The following RAD51B variants were observed in gnomAD, a reference collection of about 807,000 sequenced individuals.
RAD51B encodes DNA repair protein RAD51 homolog 2.
RAD51B carries 38 observed loss-of-function variants against 42.2 expected under a neutral mutation model. The ratio of observed to expected loss-of-function variants is 0.90; its 90% CI spans 0.70 to 1.18. The LOEUF is 1.18. RAD51B is among the 50% of genes most tolerant of loss of function. The pLI, the probability that RAD51B is intolerant of heterozygous loss-of-function variation, is 0.00. For missense variants in RAD51B, 373 were observed against 400.7 expected, an observed-to-expected ratio of 0.93 and a Z score of 0.59; for synonymous variants, 154 against 145.2, an observed-to-expected ratio of 1.06 and a Z score of -0.43.
intron 8 of RAD51B, among the ~76,000 whole-genome samples, chr14:68,319,746 C>T (rs977248808): frequency 9.9e-5 from 15 of 152,128 alleles, no homozygotes; most frequent in Non-Finnish European, 1.6e-4. Flanking sequence ...AGGGTAGCTC[C>T]ACACCCTTTT....
intron 7 of RAD51B, among the ~76,000 whole-genome samples, chr14:67,936,262 C>T (rs2044944329): frequency 6.6e-6 from 1 of 152,160 alleles, no homozygotes; most frequent in Admixed American, 6.6e-5. Flanking sequence ...TGCATTTCCA[C>T]CTTCCCCAAG....
intron 11 of RAD51B, among the ~76,000 whole-genome samples, chr14:68,661,862 C>T (rs1892940515): frequency 6.6e-6 from 1 of 152,208 alleles, no homozygotes; most frequent in Non-Finnish European, 1.5e-5. Flanking sequence ...AGCCATCACC[C>T]AGTGGTCTTT....
chr14:67,875,039 A>C (rs1422410855), intron 5 of RAD51B, among the ~76,000 whole-genome samples: 2 of 152,160 alleles, frequency 1.3e-5, no homozygotes, highest in African/African-American at 4.8e-5. Context: ...AGCATGTGAG[A>C]AAAACTGAGG....
intron 7 of RAD51B, among the ~76,000 whole-genome samples, chr14:67,930,342 T>TG (rs915099842): frequency 4.2e-4 from 63 of 150,354 alleles, no homozygotes; most frequent in East Asian, 2.1e-3. Flanking sequence ...TGTGTGTGTG[T>TG]TTTTTTTTTC....
chr14:68,445,518 A>G (rs2085401698), intron 9 of RAD51B, among the ~76,000 whole-genome samples: 1 of 152,222 alleles, frequency 6.6e-6, no homozygotes. Flanking sequence ...CATTTTATAC[A>G]TGAAGAAACT....
rs532804218 is a variant in RAD51B, at chr14:68,227,952, A to T, written c.757-63932A>T. 3.3e-3 allele frequency among the ~76,000 whole-genome samples: 510 copies of T among 152,280 alleles called. 2 individuals are homozygous for T. Among genetic ancestry groups the T allele is most frequent in the Non-Finnish European group, 4.7e-3 (318 of 68,006 alleles). On this transcript the variant is annotated intron_variant, in intron 7 of 10. Transcript: ENST00000471583. ...ATTAGTAGTAATAATAATGATAGTC[A>T]TTATGTATTAAGGGCCTACTCTGTG... is the stretch of plus-strand genomic sequence containing the variant.
At chr14:68,254,126 T>A (rs1415956850) in intron 7 of RAD51B, among the ~76,000 whole-genome samples, 1 of 152,220 alleles carries the variant, frequency 6.6e-6, no homozygotes, top group Non-Finnish European at 1.5e-5. Flanking sequence ...TTGTGATTAG[T>A]GCCACTTCAT....
intron 8 of RAD51B, among the ~76,000 whole-genome samples, chr14:68,400,005 C>A (rs189563144): frequency 1.3e-5 from 2 of 152,272 alleles, no homozygotes; most frequent in East Asian, 1.9e-4. Context: ...AATCATATTT[C>A]TTTTCTCTTC....
At chr14:68,658,111 G>T (rs1444054951) in intron 11 of RAD51B, among the ~76,000 whole-genome samples, 2 of 152,200 alleles carry the variant, frequency 1.3e-5, no homozygotes, top group Non-Finnish European at 2.9e-5. Context: ...GCACAACTCC[G>T]ACAGGAGCAC....
intron 8 of RAD51B, among the ~76,000 whole-genome samples, chr14:68,342,504 G>C (rs2082591581): frequency 6.6e-6 from 1 of 152,170 alleles, no homozygotes. Context: ...AGGGGGCCCT[G>C]CCTAACCCAG....
At chr14:68,566,013 A>G (rs896723692) in intron 10 of RAD51B, among the ~76,000 whole-genome samples, 4 of 152,196 alleles carry the variant, frequency 2.6e-5, no homozygotes, top group African/African-American at 9.7e-5. Context: ...TTCTAGAATA[A>G]GGTAAACTTG....
Position 68,163,164 on chromosome 14 carries a change from A to G in RAD51B, c.757-128720A>G, listed in dbSNP as rs1025857750. Among the ~76,000 whole-genome samples the G allele has an allele frequency of 1.3e-5, 2 of 152,346 alleles. 1 individual carries two copies. Among genetic ancestry groups the G allele is most frequent in the South Asian group, 4.1e-4 (2 of 4,830 alleles). On this transcript the variant is annotated intron_variant, in intron 7 of 10. Transcript: ENST00000471583. ...AGAGCTGAATGAGTAGAGTGATACTACAGATGGATTTCATATAAGAAATCT... is the reference window on the plus strand; with the variant it reads ...AGAGCTGAATGAGTAGAGTGATACTGCAGATGGATTTCATATAAGAAATCT...
At chr14:68,283,939 C>T (rs1411866459) in intron 7 of RAD51B, among the ~76,000 whole-genome samples, 3 of 152,252 alleles carry the variant, frequency 2.0e-5, no homozygotes, top group African/African-American at 4.8e-5. Context: ...TTTTTCTGAA[C>T]TCAGTGGTCA....
chr14:68,489,177 T>C lies in RAD51B; in HGVS notation c.1036+20927T>C, dbSNP rs538987739. ...ATCTTGAAATTCAAAAATTATAAAATATTGTATAAGCCAAATGAATGCTCT... is the reference window on the plus strand; with the variant it reads ...ATCTTGAAATTCAAAAATTATAAAACATTGTATAAGCCAAATGAATGCTCT... On this transcript the variant is annotated intron_variant, in intron 10 of 10. Coordinates refer to the RAD51B transcript ENST00000487270. Among the ~76,000 whole-genome samples, 6 of 152,096 alleles carry C rather than the reference T, an allele frequency of 3.9e-5. No individual in the cohort carries two copies. The East Asian group carries it at 9.6e-4, about 24-fold the overall frequency.
At chr14:68,383,523 C>T (rs1368056909) in intron 8 of RAD51B, among the ~76,000 whole-genome samples, 1 of 152,184 alleles carries the variant, frequency 6.6e-6, no homozygotes, top group Admixed American at 6.5e-5. Context: ...TGGTCACTTA[C>T]CAGTTTCACT....
At chr14:68,363,037 T>C (rs568813754) in intron 8 of RAD51B, among the ~76,000 whole-genome samples, 6 of 148,852 alleles carry the variant, frequency 4.0e-5, no homozygotes, top group Admixed American at 2.0e-4. Flanking sequence ...CAACTGAAAA[T>C]AGGCGGAGCC....
intron 11 of RAD51B, chr14:68,682,922 T>C: frequency 1.0e-6 from 1 of 991,910 alleles, no homozygotes; most frequent in Non-Finnish European, 1.2e-6. Context: ...TTTTTTTTTT[T>C]TTTTTTTTGT....
chr14:68,178,066 G>T (rs1353380706), intron 7 of RAD51B, among the ~76,000 whole-genome samples: 1 of 151,994 alleles, frequency 6.6e-6, no homozygotes, highest in Non-Finnish European at 1.5e-5. Flanking sequence ...AGTAATCAGG[G>T]TTGTCTTCTT....
At chr14:68,175,474 G>C (rs75536803) in intron 7 of RAD51B, among the ~76,000 whole-genome samples, 31 of 152,112 alleles carry the variant, frequency 2.0e-4, no homozygotes, top group African/African-American at 7.5e-4. Context: ...TAGCTGGCTG[G>C]GGATAGTCTT....
Sources: allele counts gnomAD v4.1 joint callset (sites outside exome capture counted in the v4.1 genomes callset), GRCh38; gene constraint gnomAD v4.1.1; transcripts MANE v1.5; gene names NCBI Gene and HGNC (gene_info 2026-07-23, HGNC 2026-07-21).